Variants in SGCZ observed in about 807,000 individuals in gnomAD.
The protein encoded by SGCZ is sarcoglycan zeta, also known as zeta-sarcoglycan.
SGCZ carries 40 observed loss-of-function variants against 41.3 expected under a neutral mutation model. That is an observed-to-expected ratio of 0.97 (90% CI 0.75 to 1.26). The LOEUF is 1.26. Among genes scored for constraint, SGCZ ranks in the 50% most tolerant of loss-of-function variants. The probability of loss-of-function intolerance (pLI) is 0.00; values close to 1 mark genes in which losing one functional copy is unlikely to be tolerated. For missense variants in SGCZ, 552 were observed against 369.8 expected (o/e 1.49, Z -4.04); for synonymous variants, 206 against 137.5 (o/e 1.50, Z -3.49).
chr8:15,072,187 T>C (rs1805378998), intron 1 of SGCZ, among the ~76,000 whole-genome samples: 1 of 152,064 alleles, frequency 6.6e-6, no homozygotes, highest in Non-Finnish European at 1.5e-5. Flanking sequence ...TCGTCCCCAG[T>C]AAAGGAAGGG....
intron 3 of SGCZ, among the ~76,000 whole-genome samples, chr8:14,241,342 A>AC (rs1216922103): frequency 2.0e-5 from 3 of 151,174 alleles, no homozygotes; most frequent in Non-Finnish European, 4.4e-5. Flanking sequence ...TAGTAATCAG[A>AC]TATTTAAGTT....
intron 1 of SGCZ, among the ~76,000 whole-genome samples, chr8:14,811,552 T>C (rs576633070): frequency 1.6e-4 from 15 of 91,782 alleles, no homozygotes; most frequent in Middle Eastern, 9.4e-3. Flanking sequence ...TTTTTCGGAA[T>C]CACACTCCAC....
chr8:14,238,875 C>G (rs1806865945), intron 3 of SGCZ, among the ~76,000 whole-genome samples: 1 of 151,788 alleles, frequency 6.6e-6, no homozygotes, highest in South Asian at 2.1e-4. Context: ...TATGTCACGT[C>G]TATGTCAATG....
intron 2 of SGCZ, among the ~76,000 whole-genome samples, chr8:14,362,866 T>C (rs541639838): frequency 1.3e-5 from 2 of 152,342 alleles, no homozygotes; most frequent in Non-Finnish European, 2.9e-5. Flanking sequence ...GAAACTTTTA[T>C]CTACATATAT....
intron 1 of SGCZ, among the ~76,000 whole-genome samples, chr8:15,079,682 T>C (rs946558062): frequency 2.6e-5 from 4 of 152,198 alleles, no homozygotes; most frequent in Non-Finnish European, 4.4e-5. Flanking sequence ...TTCCGATCCA[T>C]TATTTTGGTG....
chr8:14,522,705 C>G (rs957674160), intron 2 of SGCZ, among the ~76,000 whole-genome samples: 1 of 150,840 alleles, frequency 6.6e-6, no homozygotes, highest in Admixed American at 6.6e-5. Flanking sequence ...TATTTTTTTC[C>G]ATTTTCAATT....
intron 2 of SGCZ, among the ~76,000 whole-genome samples, chr8:14,484,482 TA>T (rs1446185592): frequency 6.6e-6 from 1 of 152,192 alleles, no homozygotes; most frequent in Non-Finnish European, 1.5e-5. Context: ...ATGTGATTTT[TA>T]AAACATTTCA....
chr8:14,217,819 C>T (rs1806053673), intron 4 of SGCZ, among the ~76,000 whole-genome samples: 4 of 151,606 alleles, frequency 2.6e-5, no homozygotes, highest in African/African-American at 9.7e-5. Context: ...TTGGTAGAGA[C>T]AAGGTTTCAC....
At chr8:14,854,526 T>A (rs1803472751) in intron 1 of SGCZ, among the ~76,000 whole-genome samples, 1 of 152,138 alleles carries the variant, frequency 6.6e-6, no homozygotes, top group African/African-American at 2.4e-5. Context: ...ATTAATAAAT[T>A]TCACATTGTG....
At chr8:15,000,811 A>G (rs1026213114) in intron 1 of SGCZ, among the ~76,000 whole-genome samples, 1 of 152,178 alleles carries the variant, frequency 6.6e-6, no homozygotes, top group South Asian at 2.1e-4. Context: ...TCCGCCATCT[A>G]CCCGCTTTTT....
At chr8:14,528,310 A>C (rs775145618) in intron 2 of SGCZ, among the ~76,000 whole-genome samples, 1 of 152,138 alleles carries the variant, frequency 6.6e-6, no homozygotes, top group Non-Finnish European at 1.5e-5. Context: ...GGATATGAGA[A>C]AGCATGCGAC....
intron 1 of SGCZ, among the ~76,000 whole-genome samples, chr8:15,021,341 G>A (rs1585481335): frequency 6.6e-6 from 1 of 152,132 alleles, no homozygotes; most frequent in Non-Finnish European, 1.5e-5. Context: ...ATATTGCCTT[G>A]TATCTTCTGA....
At chr8:14,970,002 T>A (rs1038118118) in intron 1 of SGCZ, among the ~76,000 whole-genome samples, 2 of 152,158 alleles carry the variant, frequency 1.3e-5, no homozygotes. Flanking sequence ...TTCCTCCACA[T>A]ACCCTCCAAC....
chr8:15,044,937 T>C (rs1804246362), intron 1 of SGCZ, among the ~76,000 whole-genome samples: 1 of 152,116 alleles, frequency 6.6e-6, no homozygotes, highest in African/African-American at 2.4e-5. Context: ...TGGTTTTGTT[T>C]GGTTGCATGA....
intron 5 of SGCZ, among the ~76,000 whole-genome samples, chr8:14,119,899 C>T (rs1415522637): frequency 2.0e-5 from 3 of 152,020 alleles, no homozygotes; most frequent in East Asian, 1.9e-4. Context: ...GCCTTGCATC[C>T]CAGGGATGAA....
At chr8:14,479,097 G>A (rs1801447085) in intron 2 of SGCZ, among the ~76,000 whole-genome samples, 1 of 152,162 alleles carries the variant, frequency 6.6e-6, no homozygotes, top group Non-Finnish European at 1.5e-5. Flanking sequence ...TTGACTCACA[G>A]GATCACAGGG....
At chr8:14,495,172 G>C (rs572370979) in intron 2 of SGCZ, among the ~76,000 whole-genome samples, 3 of 152,256 alleles carry the variant, frequency 2.0e-5, no homozygotes, top group African/African-American at 7.2e-5. Context: ...AGAGGAATAA[G>C]AGTTCCTGCT....
intron 1 of SGCZ, among the ~76,000 whole-genome samples, chr8:14,827,292 AGTG>A (rs1302974417): frequency 7.0e-6 from 1 of 142,814 alleles, no homozygotes; most frequent in African/African-American, 2.6e-5. Flanking sequence ...GCTGGAGGGC[AGTG>A]ACGCCATCTC....
Position 14,439,310 on chromosome 8 carries a change from A to AATATAT in SGCZ, c.235-115112_235-115107dup, listed in dbSNP as rs57569373. On this transcript the variant is annotated intron_variant, in intron 2 of 7. Transcript: ENST00000382080. ...TTAAAGAAAATATATAGAAGAAAGA[A>AATATAT]ATATATATATATATATATATCTCCT... Among the ~76,000 whole-genome samples the AATATAT allele has an allele frequency of 9.0e-3, 1,286 of 142,700 alleles. 22 individuals carry two copies. The highest frequency in any genetic ancestry group is 0.031 in the African/African-American group (1,214 of 39,064). The allele number at this position is 142,700 out of a possible 152,430, so 93.6% of individuals were successfully genotyped here.
Sources: allele counts gnomAD v4.1 joint callset (sites outside exome capture counted in the v4.1 genomes callset), GRCh38; gene constraint gnomAD v4.1.1; transcripts MANE v1.5; gene names NCBI Gene and HGNC (gene_info 2026-07-23, HGNC 2026-07-21).